The following TRPM8 variants were observed in gnomAD, a reference collection of about 807,000 sequenced individuals.
The protein encoded by TRPM8 is transient receptor potential cation channel subfamily M member 8.
Under a neutral mutation model 133.7 loss-of-function variants are expected in TRPM8, and 110 were observed. The observed-to-expected ratio is 0.82, with a 90% CI of 0.70 to 0.96. TRPM8 has a LOEUF of 0.96. Among genes scored for constraint, TRPM8 ranks in the 40% least tolerant of loss-of-function variants. The pLI is 0.00. For missense variants in TRPM8, 1,291 were observed against 1,379.5 expected, an observed-to-expected ratio of 0.94 and a Z score of 1.02; for synonymous variants, 535 against 532.3, an observed-to-expected ratio of 1.01 and a Z score of -0.07.
At chr2:234,005,108 T>C (rs1371057772) in intron 22 of TRPM8, among the ~76,000 whole-genome samples, 1 of 152,222 alleles carries the variant, frequency 6.6e-6, no homozygotes, top group Non-Finnish European at 1.5e-5. Context: ...GAGTTATTTC[T>C]AAAGAGAAAT....
rs1690840131 is a variant in TRPM8, at chr2:233,939,155, T to C, written c.506T>C (p.Ile169Thr). ...ATGCGCAAGATCTTCAGCCGGCTCA[T>C]CTACATCGCGCAGTCCAAAGGTGAG... ...PRMRKIFSRL[I>T]YIAQSKGAWI... is the part of the protein sequence containing the mutation. The change falls in exon 5 of 26, where the codon ATC (isoleucine) becomes ACC (threonine). Residue 169 changes from isoleucine (I) to threonine (T), a missense_variant. By Grantham distance (89) the Ile-to-Thr change is moderately conservative. Coordinates refer to ENST00000324695, the MANE Select transcript of TRPM8 (RefSeq NM_024080.5). 6.2e-7 allele frequency: 1 copy of C among 1,614,098 alleles called. No individual in the cohort carries two copies. The highest frequency in any genetic ancestry group is 8.5e-7 in the Non-Finnish European group (1 of 1,180,042).
At chr2:233,942,369 C>T (rs1285248177) in intron 5 of TRPM8, among the ~76,000 whole-genome samples, 4 of 152,168 alleles carry the variant, frequency 2.6e-5, no homozygotes, top group Non-Finnish European at 5.9e-5. Flanking sequence ...AGAGCCACTG[C>T]GCCTGGCCAA....
At chr2:233,973,947 T>C (rs560381820) in intron 17 of TRPM8, among the ~76,000 whole-genome samples, 1 of 152,364 alleles carries the variant, frequency 6.6e-6, no homozygotes, top group Non-Finnish European at 1.5e-5. Flanking sequence ...TCTCCCGACC[T>C]GGCGTGGTTT....
intron 17 of TRPM8, among the ~76,000 whole-genome samples, chr2:233,972,600 C>T (rs1691756070): frequency 6.6e-6 from 1 of 152,204 alleles, no homozygotes; most frequent in South Asian, 2.1e-4. Flanking sequence ...GCTGCAGGTC[C>T]CGAGCCCTGC....
intron 8 of TRPM8, among the ~76,000 whole-genome samples, chr2:233,949,476 A>C (rs1185037427): frequency 1.3e-5 from 2 of 152,214 alleles, no homozygotes; most frequent in African/African-American, 4.8e-5. Context: ...GAGGAGGGAA[A>C]TATGTGAGTA....
intron 22 of TRPM8, among the ~76,000 whole-genome samples, chr2:233,998,698 A>G (rs963135767): frequency 1.3e-5 from 2 of 150,938 alleles, no homozygotes; most frequent in African/African-American, 4.9e-5. Context: ...CCATCCAGTT[A>G]GGGTGAGCCG....
intron 7 of TRPM8, among the ~76,000 whole-genome samples, chr2:233,946,884 A>G (rs1309765159): frequency 6.6e-6 from 1 of 152,234 alleles, no homozygotes; most frequent in African/African-American, 2.4e-5. Context: ...AAATTGCAAC[A>G]TGACCCATGT....
At chr2:233,925,652 G>A (rs930176581) in intron 1 of TRPM8, among the ~76,000 whole-genome samples, 2 of 152,190 alleles carry the variant, frequency 1.3e-5, no homozygotes, top group African/African-American at 4.8e-5. Context: ...AGGAAGGACT[G>A]CTGCTGGGAT....
At chr2:233,962,070 C>T (rs911568517) in intron 12 of TRPM8, among the ~76,000 whole-genome samples, 6 of 152,158 alleles carry the variant, frequency 3.9e-5, no homozygotes, top group African/African-American at 4.8e-5. Context: ...GCTGCCCATG[C>T]GTGTGAAGGA....
intron 1 of TRPM8, among the ~76,000 whole-genome samples, chr2:233,917,866 T>A (rs1055559392): frequency 2.6e-5 from 4 of 152,180 alleles, no homozygotes; most frequent in African/African-American, 9.7e-5. Flanking sequence ...TAAATTAACA[T>A]CAAGAAATAA....
intron 24 of TRPM8, among the ~76,000 whole-genome samples, chr2:234,012,154 G>GTTTTT (rs34984521): frequency 7.1e-6 from 1 of 140,464 alleles, no homozygotes; most frequent in African/African-American, 2.6e-5. Flanking sequence ...AGTTCTAACA[G>GTTTTT]TTTTTTTTTT....
In TRPM8 at chr2:233,996,332, G is replaced by A. The variant is rs200283823; in HGVS notation, c.2946G>A (p.Thr982=). Reference sequence around the variant, plus strand: ...TTCTCTCTTCCCTCACCAGCTACACGGTGGGCACCGTCCAGGAGAACAATG... The same window carrying A: ...TTCTCTCTTCCCTCACCAGCTACACAGTGGGCACCGTCCAGGAGAACAATG... ...VNLLVAMFGY[T]VGTVQENNDQ... The change falls in exon 22 of 26, where the codon ACG becomes ACA. Residue 982 remains threonine, a synonymous_variant. Transcript: ENST00000324695. 56 of 1,613,884 alleles carry A rather than the reference G, an allele frequency of 3.5e-5. 1 individual carries two copies. The Admixed American group carries it at 7.8e-4, about 23-fold the overall frequency.
chr2:234,006,802 G>A, intron 22 of TRPM8, 51 bp from the exon 23 acceptor site: 1 of 1,377,254 alleles, frequency 7.3e-7, no homozygotes, highest in Non-Finnish European at 1.0e-6. Context: ...AATTTAGGAA[G>A]CAAGGGGCAA....
At chr2:233,962,079 G>T (rs944602746) in intron 12 of TRPM8, among the ~76,000 whole-genome samples, 3 of 152,238 alleles carry the variant, frequency 2.0e-5, no homozygotes, top group African/African-American at 7.2e-5. Flanking sequence ...GCGTGTGAAG[G>T]ACTGAAGAAT....
chr2:233,996,205 T>A (rs1369071436), intron 21 of TRPM8, 121 bp from the exon 22 acceptor site: 8 of 842,178 alleles, frequency 9.5e-6, no homozygotes, highest in Middle Eastern at 7.4e-4. Context: ...TCTGGATTCT[T>A]CTCTCCTGTC....
At chr2:233,958,883 T>C (rs878883116) in intron 11 of TRPM8, among the ~76,000 whole-genome samples, 1 of 150,998 alleles carries the variant, frequency 6.6e-6, no homozygotes, top group African/African-American at 2.4e-5. Flanking sequence ...TGTAAGAGAG[T>C]AAGTGGGCCG....
chr2:233,966,684 G>T lies in TRPM8; in HGVS notation c.1954G>T (p.Gly652Cys), dbSNP rs767173910. 12 of 1,613,750 alleles carry T rather than the reference G, an allele frequency of 7.4e-6. No individual in the cohort carries two copies. The Admixed American group carries it at 1.5e-4, about 20-fold the overall frequency. ...GCTGGTCTATTCCTGTGAAGCTTGG[G>T]GTGGAAGCAACTGTCTGGAGCTGGC... ...QLLVYSCEAW[G>C]GSNCLELAVE... The change falls in exon 15 of 26, where the codon GGT becomes TGT. Residue 652 changes from glycine (G) to cysteine (C), a missense_variant. Coordinates refer to ENST00000324695, the MANE Select transcript of TRPM8 (RefSeq NM_024080.5).
chr2:233,974,117 C>T (rs1373088166), intron 17 of TRPM8, among the ~76,000 whole-genome samples: 2 of 152,306 alleles, frequency 1.3e-5, no homozygotes, highest in South Asian at 2.1e-4. Context: ...TCCCAACACC[C>T]CCTACCTCTC....
rs1333923877 is a variant in TRPM8 at position 233,989,236 on chromosome 2, A to G, written c.2939+3371A>G. On this transcript the variant is annotated intron_variant, in intron 21 of 25. Transcript: ENST00000324695. The surrounding 1 kb of genome is among the most constrained non-coding windows in gnomAD (Gnocchi z 4.2). ...ATGATTGAATTTGGAGCTGAGAAAG[A>G]TGGGAGCCTCGTCTGTCACTTTCAG... Among the ~76,000 whole-genome samples, 6 of 152,186 alleles carry G rather than the reference A, an allele frequency of 3.9e-5. No homozygotes were observed. Among genetic ancestry groups the G allele is most frequent in the Admixed American group, 2.6e-4 (4 of 15,282 alleles).
Sources: allele counts gnomAD v4.1 joint callset (sites outside exome capture counted in the v4.1 genomes callset), GRCh38; gene constraint gnomAD v4.1.1; non-coding constraint Gnocchi (gnomAD v3.1); transcripts MANE v1.5; gene names NCBI Gene and HGNC (gene_info 2026-07-23, HGNC 2026-07-21).